SDC2: variants seen among roughly 807,000 people sequenced by gnomAD.
SDC2 encodes syndecan 2.
In SDC2, 13 loss-of-function variants were observed where a neutral mutation model predicts 22.2. That is an observed-to-expected ratio of 0.59 (90% confidence interval 0.38 to 0.93). SDC2 has a LOEUF of 0.93. Among genes scored for constraint, SDC2 ranks in the 40% least tolerant of loss-of-function variants. The pLI, the probability that SDC2 is intolerant of heterozygous loss-of-function variation, is 0.00. For missense variants in SDC2, 235 were observed against 246.8 expected (o/e 0.95, Z 0.32); for synonymous variants, 94 against 92.8 (o/e 1.01, Z -0.07).
chr8:96,596,662 A>G (rs1814882489), intron 2 of SDC2, among the ~76,000 whole-genome samples: 1 of 152,260 alleles, frequency 6.6e-6, no homozygotes, highest in South Asian at 2.1e-4. Context: ...CAAAAATGTA[A>G]GAGGTAAAAT....
At chr8:96,501,291 A>ATTTTT (rs1813159212) in intron 1 of SDC2, among the ~76,000 whole-genome samples, 1 of 62,106 alleles carries the variant, frequency 1.6e-5, no homozygotes, top group African/African-American at 6.0e-5. Flanking sequence ...TTAAATACGT[A>ATTTTT]TTTCTTTTTT....
chr8:96,509,609 C>T (rs1333047915), intron 1 of SDC2, among the ~76,000 whole-genome samples: 1 of 99,278 alleles, frequency 1.0e-5, no homozygotes, highest in Non-Finnish European at 2.6e-5. Flanking sequence ...CATGCCTTGG[C>T]CCCACTCCAG....
At chr8:96,498,798 C>G (rs1354160131) in intron 1 of SDC2, among the ~76,000 whole-genome samples, 1 of 152,202 alleles carries the variant, frequency 6.6e-6, no homozygotes, top group Non-Finnish European at 1.5e-5. Context: ...CCATTGGTCT[C>G]TTCCTGCAGC....
chr8:96,548,229 A>C (rs932534107), intron 1 of SDC2, among the ~76,000 whole-genome samples: 1 of 152,228 alleles, frequency 6.6e-6, no homozygotes, highest in Admixed American at 6.5e-5. Flanking sequence ...AAAATGCAGA[A>C]ATTAAAATCA....
At chr8:96,555,650 T>G (rs1004380185) in intron 1 of SDC2, among the ~76,000 whole-genome samples, 2 of 152,226 alleles carry the variant, frequency 1.3e-5, no homozygotes, top group African/African-American at 4.8e-5. Flanking sequence ...ATTTAAAATC[T>G]TTCCCTTTGA....
rs115082321 is a variant in SDC2, at chr8:96,560,653, G to A, written c.61-32827G>A. ...GAATTTCCCTGGAGAACTTAATATA[G>A]TTGTACTTATATTATTTTTGGATCA... On this transcript the variant is annotated intron_variant, in intron 1 of 4. Transcript: ENST00000302190. Among the ~76,000 whole-genome samples, 861 of 151,726 alleles carry A rather than the reference G, an allele frequency of 5.7e-3. 7 individuals carry two copies. Among genetic ancestry groups the A allele is most frequent in the African/African-American group, 0.019 (770 of 41,320 alleles).
intron 1 of SDC2, among the ~76,000 whole-genome samples, chr8:96,570,100 G>T (rs1814367058): frequency 6.6e-6 from 1 of 152,228 alleles, no homozygotes; most frequent in Admixed American, 6.5e-5. Context: ...GCTTTTGGCA[G>T]CTGCTTGAGG....
At chr8:96,550,561 G>T (rs1011099027) in intron 1 of SDC2, among the ~76,000 whole-genome samples, 1 of 152,122 alleles carries the variant, frequency 6.6e-6, no homozygotes, top group African/African-American at 2.4e-5. Context: ...AAAGGTGCTT[G>T]TGACATAGGG....
At chr8:96,607,964 G>A (rs769502390) in intron 3 of SDC2, among the ~76,000 whole-genome samples, 1 of 152,148 alleles carries the variant, frequency 6.6e-6, no homozygotes, top group Non-Finnish European at 1.5e-5. Flanking sequence ...GGAGCAGGGA[G>A]AATTGGGGCA....
At chr8:96,545,935 C>T (rs928846893) in intron 1 of SDC2, among the ~76,000 whole-genome samples, 2 of 152,216 alleles carry the variant, frequency 1.3e-5, no homozygotes. Context: ...GCTGGGAAAT[C>T]AGGTGCAGGG....
At position 96,609,593 on chromosome 8, in the gene SDC2, A is replaced by G; in HGVS notation, c.*45A>G. 1 of 1,356,310 alleles carries G rather than the reference A, an allele frequency of 7.4e-7. No homozygotes were observed. Among genetic ancestry groups the G allele is most frequent in the Non-Finnish European group, 9.9e-7 (1 of 1,013,982 alleles). The allele number at this position is 1,356,310 out of a possible 1,614,324, so 84.0% of individuals were successfully genotyped here. On this transcript the variant is annotated 3_prime_UTR_variant, in exon 5 of 5. Coordinates refer to ENST00000302190, the MANE Select transcript of SDC2 (RefSeq NM_002998.4). Reference sequence around the variant, plus strand: ...TATTTATGAGATCACTGAACTTTTCAAAATAAAGCTTTTGCATAGAATAAT... The same window carrying G: ...TATTTATGAGATCACTGAACTTTTCGAAATAAAGCTTTTGCATAGAATAAT...
chr8:96,576,374 G>GTTTGTTTT (rs1554604661), intron 1 of SDC2, among the ~76,000 whole-genome samples: 2 of 40,642 alleles, frequency 4.9e-5, no homozygotes, highest in Non-Finnish European at 4.8e-5. Flanking sequence ...GTTTGTTTTT[G>GTTTGTTTT]TTTTGTTTTG....
chr8:96,544,956 G>A (rs1813908465), intron 1 of SDC2, among the ~76,000 whole-genome samples: 1 of 152,162 alleles, frequency 6.6e-6, no homozygotes, highest in Non-Finnish European at 1.5e-5. Context: ...TAGTTAAATT[G>A]CATAGATGCT....
At chr8:96,574,551 T>C (rs1212888918) in intron 1 of SDC2, among the ~76,000 whole-genome samples, 2 of 152,126 alleles carry the variant, frequency 1.3e-5, no homozygotes, top group Non-Finnish European at 2.9e-5. Flanking sequence ...AGATCAGTTA[T>C]CTGTGGTTAC....
intron 2 of SDC2, among the ~76,000 whole-genome samples, chr8:96,597,889 T>A (rs942052036): frequency 6.6e-6 from 1 of 152,250 alleles, no homozygotes; most frequent in Non-Finnish European, 1.5e-5. Flanking sequence ...GCTAATTGTA[T>A]TTATTCCTTC....
intron 1 of SDC2, among the ~76,000 whole-genome samples, chr8:96,519,238 C>A (rs1813456552): frequency 6.6e-6 from 1 of 152,150 alleles, no homozygotes; most frequent in Admixed American, 6.5e-5. Context: ...CCCCAGAGAG[C>A]AGTTTGGAAA....
intron 1 of SDC2, among the ~76,000 whole-genome samples, chr8:96,551,471 T>C (rs1237500981): frequency 6.6e-6 from 1 of 152,152 alleles, no homozygotes; most frequent in Non-Finnish European, 1.5e-5. Context: ...AGCAATCTCA[T>C]GAGACAGGTA....
chr8:96,494,109 C>G lies in SDC2; in HGVS notation c.-163C>G. On this transcript the variant is annotated 5_prime_UTR_variant, in exon 1 of 5. Transcript: ENST00000302190. ...CGGGAGCAGGCGCAGGAGGAGGAAG[C>G]GAGCGCCCCCGAGCCCCGAGCCCGA... 1.6e-6 allele frequency: 1 copy of G among 636,926 alleles called. No individual in the cohort carries two copies. Among genetic ancestry groups the G allele is most frequent in the East Asian group, 3.3e-5 (1 of 30,514 alleles). 39.5% of individuals were successfully genotyped at this position (636,926 alleles called of 1,614,324 possible).
Position 96,509,270 on chromosome 8 carries a change from T to C in SDC2, c.60+14939T>C, listed in dbSNP as rs753642029. On this transcript the variant is annotated intron_variant, in intron 1 of 4. Coordinates refer to ENST00000302190, the MANE Select transcript of SDC2 (RefSeq NM_002998.4). ...AATGGGTGTCAAGCAGTAATAAGAG[T>C]GCGCAGGATAGAGCCTGCGCTAGAC... Among the ~76,000 whole-genome samples, 58 of 141,618 alleles carry C rather than the reference T, an allele frequency of 4.1e-4. 16 individuals carry two copies. Among genetic ancestry groups the C allele is most frequent in the Non-Finnish European group, 5.8e-4 (36 of 62,172 alleles). 92.9% of individuals were successfully genotyped at this position (141,618 alleles called of 152,430 possible).
Sources: allele counts gnomAD v4.1 joint callset (sites outside exome capture counted in the v4.1 genomes callset), GRCh38; gene constraint gnomAD v4.1.1; transcripts MANE v1.5; gene names NCBI Gene and HGNC (gene_info 2026-07-23, HGNC 2026-07-21).